MAST4: variants seen among roughly 807,000 people sequenced by gnomAD.
MAST4 encodes the protein microtubule associated serine/threonine kinase family member 4.
A neutral mutation model predicts 162.7 loss-of-function variants in MAST4; 89 were observed. The observed-to-expected ratio is 0.55, with a 90% CI of 0.46 to 0.65. The LOEUF is 0.65. Among genes scored for constraint, MAST4 ranks in the 30% least tolerant of loss-of-function variants. MAST4 has a pLI of 0.00. For missense variants in MAST4, 3,153 were observed against 3,374.0 expected (o/e 0.93, Z 1.62); for synonymous variants, 1,479 against 1,361.1 (o/e 1.09, Z -1.91).
rs1484515483 is a variant in MAST4, at chr5:66,954,623, G to C, written c.674+54641G>C. On this transcript the variant is annotated intron_variant, in intron 4 of 28. Transcript: ENST00000403625. ...ATACATCAAGATGAGAAGAAAGCCT[G>C]GGCGTGGTGTCTCACACATGTGATC... is the stretch of plus-strand genomic sequence containing the variant. Among the ~76,000 whole-genome samples, 2 of 152,176 alleles carry C rather than the reference G, an allele frequency of 1.3e-5. 1 individual carries two copies. The highest frequency in any genetic ancestry group is 1.3e-4 in the Admixed American group (2 of 15,272).
chr5:66,970,542 C>T (rs566736338), intron 4 of MAST4, among the ~76,000 whole-genome samples: 3 of 152,164 alleles, frequency 2.0e-5, no homozygotes, highest in Non-Finnish European at 4.4e-5. Context: ...GTATAGACAC[C>T]TACATGTTCC....
At chr5:67,149,291 TCTGGCGTTTACTCTTC>T (rs780391884) in intron 23 of MAST4, 82 bp from the exon 24 acceptor site, 108 of 1,056,102 alleles carry the variant, frequency 1.0e-4, no homozygotes, top group Non-Finnish European at 1.4e-4. Flanking sequence ...GAGTATGTTC[TCTGGCGTTTACTCTTC>T]CTGCTGTCTC....
intron 1 of MAST4, among the ~76,000 whole-genome samples, chr5:66,714,709 T>G (rs1450085380): frequency 6.6e-6 from 1 of 152,276 alleles, no homozygotes. Flanking sequence ...CTTTTTTGTC[T>G]TTTTTAAACA....
chr5:66,756,438 C>T (rs1753542588), intron 1 of MAST4, among the ~76,000 whole-genome samples: 2 of 152,140 alleles, frequency 1.3e-5, no homozygotes, highest in Non-Finnish European at 2.9e-5. Flanking sequence ...GGTATCATGC[C>T]CAGGCTTAGA....
chr5:66,854,754 T>A (rs1164998160), intron 3 of MAST4, among the ~76,000 whole-genome samples: 1 of 151,912 alleles, frequency 6.6e-6, no homozygotes, highest in East Asian at 1.9e-4. Context: ...AAGGACAGAC[T>A]AAAAAAAGGT....
intron 1 of MAST4, among the ~76,000 whole-genome samples, chr5:66,754,215 G>A (rs1331751297): frequency 6.7e-6 from 1 of 149,216 alleles, no homozygotes; most frequent in Non-Finnish European, 1.5e-5. Context: ...GGCAAAAACT[G>A]GAAGAGGAGT....
At chr5:66,654,499 A>G (rs1009913497) in intron 1 of MAST4, among the ~76,000 whole-genome samples, 1 of 152,198 alleles carries the variant, frequency 6.6e-6, no homozygotes, top group Non-Finnish European at 1.5e-5. Flanking sequence ...CTGTTTTGCA[A>G]TTCTTGATTC....
At chr5:67,028,181 AAG>A (rs1754896695) in intron 4 of MAST4, among the ~76,000 whole-genome samples, 1 of 113,396 alleles carries the variant, frequency 8.8e-6, no homozygotes, top group Non-Finnish European at 2.1e-5. Flanking sequence ...CACAACAAAA[AAG>A]TGGGCTGTGA....
intron 4 of MAST4, among the ~76,000 whole-genome samples, chr5:66,911,274 G>A (rs1309271882): frequency 6.6e-6 from 1 of 152,170 alleles, no homozygotes; most frequent in African/African-American, 2.4e-5. Flanking sequence ...GAACACATTT[G>A]CATGAGAGGA....
rs371008871 is a variant in MAST4 at position 67,090,220 on chromosome 5, A to G, written c.822A>G (p.Ser274=). ...NFSPSASAHF[S]FARRTDGRRW... is the part of the protein sequence containing the mutation. ...CCCCCAGTGCCTCAGCCCATTTTTC[A>G]TTTGCACGGAGGTAAGGACTTTTTG... is the stretch of plus-strand genomic sequence containing the variant. Residue 274 remains serine (S), a synonymous_variant, in exon 6 of 29, where the codon TCA becomes TCG. Coordinates refer to ENST00000403625, the MANE Select transcript of MAST4 (RefSeq NM_001164664.2). 7.4e-6 allele frequency: 12 copies of G among 1,611,716 alleles called. No individual in the cohort carries two copies. Among genetic ancestry groups the G allele is most frequent in the African/African-American group, 6.7e-5 (5 of 74,726 alleles).
intron 3 of MAST4, among the ~76,000 whole-genome samples, chr5:66,794,480 G>A (rs1397055370): frequency 6.6e-6 from 1 of 152,238 alleles, no homozygotes; most frequent in African/African-American, 2.4e-5. Context: ...TAGAAAAAGT[G>A]TTTCTTGGAG....
At chr5:66,874,742 C>G (rs1761179391) in intron 3 of MAST4, among the ~76,000 whole-genome samples, 2 of 152,182 alleles carry the variant, frequency 1.3e-5, no homozygotes, top group African/African-American at 4.8e-5. Flanking sequence ...TTACCTTTCT[C>G]TAATGATAAC....
intron 4 of MAST4, among the ~76,000 whole-genome samples, chr5:67,011,745 C>G (rs937498303): frequency 7.2e-5 from 11 of 152,132 alleles, no homozygotes; most frequent in Non-Finnish European, 1.3e-4. Flanking sequence ...CAGAAATATG[C>G]ACAGTTCAAA....
intron 3 of MAST4, among the ~76,000 whole-genome samples, chr5:66,799,809 C>T (rs1755829040): frequency 6.6e-6 from 1 of 152,138 alleles, no homozygotes; most frequent in Non-Finnish European, 1.5e-5. Context: ...GCCTGGCTGC[C>T]TGGGTTGGAG....
At chr5:66,854,129 G>A (rs1166805866) in intron 3 of MAST4, among the ~76,000 whole-genome samples, 2 of 152,124 alleles carry the variant, frequency 1.3e-5, no homozygotes, top group Non-Finnish European at 2.9e-5. Context: ...TAGCAGGATT[G>A]CAGGTGTAAA....
At chr5:66,741,512 A>G (rs1040387141) in intron 1 of MAST4, among the ~76,000 whole-genome samples, 7 of 152,202 alleles carry the variant, frequency 4.6e-5, no homozygotes, top group African/African-American at 1.7e-4. Flanking sequence ...TGTAGACACA[A>G]CATAAAGAAC....
At chr5:66,875,880 G>C (rs1761265515) in intron 3 of MAST4, among the ~76,000 whole-genome samples, 1 of 152,158 alleles carries the variant, frequency 6.6e-6, no homozygotes, top group African/African-American at 2.4e-5. Flanking sequence ...TCATGCCTCA[G>C]ACTCCCAGGT....
At chr5:66,608,405 GT>G (rs1420579755) in intron 1 of MAST4, among the ~76,000 whole-genome samples, 1 of 122,036 alleles carries the variant, frequency 8.2e-6, no homozygotes, top group Non-Finnish European at 1.6e-5. Context: ...GAACATTAAG[GT>G]CTATATATAC....
At chr5:66,657,729 G>A (rs767787839) in intron 1 of MAST4, among the ~76,000 whole-genome samples, 1 of 152,074 alleles carries the variant, frequency 6.6e-6, no homozygotes, top group Non-Finnish European at 1.5e-5. Flanking sequence ...TTCCTACTTT[G>A]CTGCCTGTCA....
Sources: gnomAD v4.1 joint callset for allele counts (sites outside exome capture counted in the v4.1 genomes callset) on GRCh38, gnomAD v4.1.1 for gene constraint, MANE v1.5 for transcripts, NCBI Gene and HGNC (gene_info 2026-07-23, HGNC 2026-07-21) for gene names.